GPBP1L1: variants seen among roughly 807,000 people sequenced by gnomAD.
GPBP1L1 encodes the protein GC-rich promoter binding protein 1 like 1.
Under a neutral mutation model 52.5 loss-of-function variants are expected in GPBP1L1, and 23 were observed. The ratio of observed to expected loss-of-function variants is 0.44; its 90% CI spans 0.32 to 0.62. The LOEUF (loss-of-function observed/expected upper bound fraction) is 0.62. Among genes scored for constraint, GPBP1L1 ranks in the 20% least tolerant of loss-of-function variants. The pLI is 0.06. For missense variants in GPBP1L1, 596 were observed against 579.3 expected (o/e 1.03, Z -0.30); for synonymous variants, 243 against 203.1 (o/e 1.20, Z -1.67).
At chr1:45,645,943 C>T (rs879194715) in intron 6 of GPBP1L1, 22 of 495,316 alleles carry the variant, frequency 4.4e-5, no homozygotes, top group South Asian at 2.5e-4. Flanking sequence ...ATTGTTCTGC[C>T]GTTTTTCTAG....
chr1:45,679,396 G>C (rs1015167010), intron 2 of GPBP1L1, among the ~76,000 whole-genome samples: 2 of 152,252 alleles, frequency 1.3e-5, no homozygotes, highest in East Asian at 1.9e-4. Flanking sequence ...AACTCCAAAC[G>C]GTCCTTGCAT....
At chr1:45,628,446 A>T in intron 12 of GPBP1L1, 38 bp from the exon 13 acceptor site, 1 of 1,602,584 alleles carries the variant, frequency 6.2e-7, no homozygotes, top group East Asian at 2.2e-5. Context: ...AAAGAAAAAA[A>T]TATCAATGAC....
intron 4 of GPBP1L1, chr1:45,655,817 T>A (rs922464358): frequency 6.5e-6 from 1 of 154,662 alleles, no homozygotes; most frequent in African/African-American, 2.4e-5. Flanking sequence ...TCGCCCAGGC[T>A]GGAGTGCAGT....
At position 45,628,023 on chromosome 1, in the gene GPBP1L1, A is replaced by AGTGT. The variant is rs1036498981; in HGVS notation, c.*229_*232dup. ...GGGTGTGTATGTGTGTGTGTGTGTGAGTGTGTTTAAAAAATCTGTCCCACC... is the reference window on the plus strand; with the variant it reads ...GGGTGTGTATGTGTGTGTGTGTGTGAGTGTGTGTGTTTAAAAAATCTGTCCCACC... On this transcript the variant is annotated 3_prime_UTR_variant, in exon 13 of 13. Coordinates refer to ENST00000355105, the MANE Select transcript of GPBP1L1 (RefSeq NM_021639.5). 36 of 468,892 alleles carry AGTGT rather than the reference A, an allele frequency of 7.7e-5. No individual in the cohort carries two copies. The Middle Eastern group carries it at 6.1e-3, about 79-fold the overall frequency. The allele number at this position is 468,892 out of a possible 1,614,324, so 29.0% of individuals were successfully genotyped here.
intron 2 of GPBP1L1, among the ~76,000 whole-genome samples, chr1:45,667,050 G>A (rs1645018582): frequency 6.6e-6 from 1 of 152,226 alleles, no homozygotes; most frequent in Admixed American, 6.5e-5. Context: ...AGGGAATGGG[G>A]TGTGACTGCT....
chr1:45,634,339 G>C, intron 8 of GPBP1L1, 103 bp from the exon 9 acceptor site: 1 of 1,198,326 alleles, frequency 8.3e-7, no homozygotes, highest in Non-Finnish European at 1.1e-6. Context: ...GAGAACATAA[G>C]TTTCCAGGGC....
At chr1:45,628,520 C>CG (rs1366896824) in intron 12 of GPBP1L1, 112 bp from the exon 13 acceptor site, 7 of 947,260 alleles carry the variant, frequency 7.4e-6, no homozygotes, top group South Asian at 3.5e-5. Flanking sequence ...GAATGTGGGG[C>CG]GGGGGGTGCT....
At chr1:45,648,048 C>G (rs562245227) in intron 6 of GPBP1L1, among the ~76,000 whole-genome samples, 4 of 152,256 alleles carry the variant, frequency 2.6e-5, no homozygotes, top group South Asian at 4.1e-4. Flanking sequence ...TCAAGCAATC[C>G]TCCCACCTCA....
At chr1:45,643,347 A>G (rs1644698126) in intron 6 of GPBP1L1, among the ~76,000 whole-genome samples, 1 of 152,156 alleles carries the variant, frequency 6.6e-6, no homozygotes, top group Non-Finnish European at 1.5e-5. Flanking sequence ...TTCTTAGGGG[A>G]GATTAAGTTT....
intron 6 of GPBP1L1, among the ~76,000 whole-genome samples, chr1:45,652,913 T>C (rs1047930779): frequency 3.3e-5 from 5 of 152,220 alleles, no homozygotes; most frequent in Admixed American, 3.3e-4. Flanking sequence ...CACTGGTCTT[T>C]CTTGGATTTG....
At chr1:45,639,938 T>G in intron 8 of GPBP1L1, among the ~76,000 whole-genome samples, 1 of 151,206 alleles carries the variant, frequency 6.6e-6, no homozygotes, top group Non-Finnish European at 1.5e-5. Flanking sequence ...CATAATGGCG[T>G]GCCCCTGTAG....
chr1:45,647,472 G>A (rs983568766), intron 6 of GPBP1L1, among the ~76,000 whole-genome samples: 4 of 152,190 alleles, frequency 2.6e-5, no homozygotes, highest in Non-Finnish European at 5.9e-5. Context: ...CCGCTTCTTA[G>A]TCACAAAGTC....
intron 2 of GPBP1L1, among the ~76,000 whole-genome samples, chr1:45,678,531 T>G (rs114889782): frequency 8.3e-4 from 126 of 152,276 alleles, no homozygotes; most frequent in African/African-American, 3.0e-3. Flanking sequence ...CAACAATGTT[T>G]AAAGGTGAAT....
intron 2 of GPBP1L1, among the ~76,000 whole-genome samples, chr1:45,682,714 T>C (rs1420956517): frequency 1.3e-5 from 2 of 152,236 alleles, no homozygotes; most frequent in African/African-American, 4.8e-5. Context: ...TAATAGGCTC[T>C]TTTAAATGTT....
intron 10 of GPBP1L1, among the ~76,000 whole-genome samples, chr1:45,631,723 C>A (rs1644533252): frequency 6.6e-6 from 1 of 152,172 alleles, no homozygotes; most frequent in African/African-American, 2.4e-5. Flanking sequence ...GAGTTTAACA[C>A]CAGCCTGAGC....
chr1:45,628,766 C>T (rs563456277), intron 12 of GPBP1L1, among the ~76,000 whole-genome samples: 27 of 152,152 alleles, frequency 1.8e-4, no homozygotes, highest in Non-Finnish European at 2.8e-4. Flanking sequence ...TGGGTTCAAG[C>T]GATTCTCCTG....
chr1:45,659,251 T>A lies in GPBP1L1; in HGVS notation c.-55-109A>T, dbSNP rs1053117229. ...CCTCTTTACAGAAAGACCTGCCCTCTGAGCCTGTCTACAGATTACTTACCA... is the reference window on the plus strand; with the variant it reads ...CCTCTTTACAGAAAGACCTGCCCTCAGAGCCTGTCTACAGATTACTTACCA... On this transcript the variant is annotated intron_variant, in intron 3 of 12. Transcript: ENST00000355105. The A allele has an allele frequency of 3.8e-5, 25 of 652,052 alleles. No homozygotes were observed. The African/African-American group carries it at 4.4e-4, about 12-fold the overall frequency. The allele number at this position is 652,052 out of a possible 1,614,324, so 40.4% of individuals were successfully genotyped here.
At chr1:45,629,953 G>A (rs529037857) in intron 11 of GPBP1L1, among the ~76,000 whole-genome samples, 2 of 150,970 alleles carry the variant, frequency 1.3e-5, no homozygotes, top group South Asian at 2.1e-4. Context: ...TTGCAGTCTG[G>A]CTTTTTTTTT....
At chr1:45,663,781 A>G (rs1459549782) in intron 2 of GPBP1L1, among the ~76,000 whole-genome samples, 2 of 152,216 alleles carry the variant, frequency 1.3e-5, no homozygotes, top group Non-Finnish European at 2.9e-5. Flanking sequence ...TATCTTCTCT[A>G]TTAGTCAAAA....
Sources: allele counts gnomAD v4.1 joint callset (sites outside exome capture counted in the v4.1 genomes callset), GRCh38; gene constraint gnomAD v4.1.1; transcripts MANE v1.5; gene names NCBI Gene and HGNC (gene_info 2026-07-23, HGNC 2026-07-21).